Variants in GAB4 observed in about 807,000 individuals in gnomAD.
The protein encoded by GAB4 is GRB2-associated-binding protein 4.
GAB4 carries 26 observed loss-of-function variants against 51.3 expected under a neutral mutation model. That is an observed-to-expected ratio of 0.51 (90% CI 0.37 to 0.70). The LOEUF is 0.70. Among genes scored for constraint, GAB4 ranks in the 30% least tolerant of loss-of-function variants. The probability of loss-of-function intolerance (pLI) is 0.00; values close to 1 mark genes in which losing one functional copy is unlikely to be tolerated. For missense variants in GAB4, 759 were observed against 734.6 expected (o/e 1.03, Z -0.38); for synonymous variants, 329 against 291.2 (o/e 1.13, Z -1.32).
chr22:16,968,625 C>T (rs2060703374), intron 4 of GAB4, among the ~76,000 whole-genome samples: 1 of 152,162 alleles, frequency 6.6e-6, no homozygotes, highest in Non-Finnish European at 1.5e-5. Flanking sequence ...CCTCAGGACA[C>T]ACCTTTTCCT....
At chr22:16,993,918 G>C (rs532888891) in intron 1 of GAB4, among the ~76,000 whole-genome samples, 2 of 152,130 alleles carry the variant, frequency 1.3e-5, no homozygotes, top group South Asian at 4.2e-4. Flanking sequence ...CTTGTCACTG[G>C]GGAACACAGA....
chr22:16,994,770 T>C (rs535646870), intron 1 of GAB4, among the ~76,000 whole-genome samples: 22 of 152,308 alleles, frequency 1.4e-4, no homozygotes, highest in African/African-American at 5.3e-4. Flanking sequence ...CTGTATGACT[T>C]CCATTTCTTT....
chr22:17,004,269 T>C (rs991014182), intron 1 of GAB4, among the ~76,000 whole-genome samples: 3 of 152,196 alleles, frequency 2.0e-5, no homozygotes, highest in Non-Finnish European at 4.4e-5. Flanking sequence ...GCTGGTACCA[T>C]TCCTTCTGAA....
intron 3 of GAB4, among the ~76,000 whole-genome samples, chr22:16,975,506 C>T (rs150459594): frequency 1.5e-4 from 23 of 152,328 alleles, no homozygotes; most frequent in African/African-American, 5.1e-4. Context: ...GGCTACAGTC[C>T]GAGTCAGGGG....
chr22:16,962,612 T>C lies in GAB4; in HGVS notation c.*121A>G. Reference sequence around the variant, plus strand: ...GGGCCCCAAGCAGGCAAAGGATGTATATTGATCAGGCCTCTGCTCTCTATG... The same window carrying C: ...GGGCCCCAAGCAGGCAAAGGATGTACATTGATCAGGCCTCTGCTCTCTATG... On this transcript the variant is annotated 3_prime_UTR_variant, in exon 10 of 10. Coordinates refer to ENST00000400588, the MANE Select transcript of GAB4 (RefSeq NM_001037814.1). 2.2e-6 allele frequency: 2 copies of C among 892,730 alleles called. No homozygotes were observed. Among genetic ancestry groups the C allele is most frequent in the Non-Finnish European group, 3.2e-6 (2 of 627,418 alleles). The allele number at this position is 892,730 out of a possible 1,614,324, so 55.3% of individuals were successfully genotyped here. A position where few individuals can be genotyped will look rare whatever the true frequency, so the allele number is the denominator to read the frequency against.
chr22:16,999,623 T>C (rs1004113074), intron 1 of GAB4, among the ~76,000 whole-genome samples: 5 of 152,242 alleles, frequency 3.3e-5, no homozygotes, highest in African/African-American at 1.2e-4. Context: ...TGAAGGGTTT[T>C]TGGTGTCTCT....
chr22:16,972,875 C>T (rs2060743933), intron 3 of GAB4, among the ~76,000 whole-genome samples: 1 of 152,174 alleles, frequency 6.6e-6, no homozygotes, highest in African/African-American at 2.4e-5. Flanking sequence ...TGTCACAGTG[C>T]TTTTAGGATG....
chr22:17,003,631 T>C (rs2061016217), intron 1 of GAB4, among the ~76,000 whole-genome samples: 1 of 152,046 alleles, frequency 6.6e-6, no homozygotes, highest in South Asian at 2.1e-4. Context: ...TTTAAACCAA[T>C]GAAAACAAAG....
intron 3 of GAB4, among the ~76,000 whole-genome samples, chr22:16,982,854 C>G (rs539790708): frequency 6.6e-5 from 10 of 152,222 alleles, no homozygotes; most frequent in African/African-American, 2.4e-4. Flanking sequence ...GTCTAAAACC[C>G]CTCTTGGCCT....
chr22:16,996,703 G>A (rs1481334879), intron 1 of GAB4, among the ~76,000 whole-genome samples: 5 of 152,112 alleles, frequency 3.3e-5, no homozygotes, highest in Admixed American at 2.0e-4. Context: ...TGGTACATGC[G>A]CAAAACGTGC....
chr22:16,978,241 G>A (rs929315120), intron 3 of GAB4, among the ~76,000 whole-genome samples: 2 of 152,072 alleles, frequency 1.3e-5, no homozygotes, highest in African/African-American at 4.8e-5. Context: ...ATGAATCCAC[G>A]AGCTGTCTTT....
intron 2 of GAB4, among the ~76,000 whole-genome samples, chr22:16,989,467 C>T (rs184558558): frequency 6.2e-4 from 94 of 152,326 alleles, no homozygotes; most frequent in African/African-American, 2.1e-3. Flanking sequence ...AGGCAAGACA[C>T]GTTCTGCCAG....
intron 1 of GAB4, among the ~76,000 whole-genome samples, chr22:17,007,051 ATCATACCCCATACC>A (rs2061045994): frequency 6.6e-6 from 1 of 152,234 alleles, no homozygotes; most frequent in South Asian, 2.1e-4. Flanking sequence ...CGCAGAATTG[ATCATACCCCATACC>A]TCAGGGAAGC....
In GAB4 at chr22:16,966,354, G is replaced by T. The variant is rs762931159; in HGVS notation, c.1034C>A (p.Thr345Lys). ...AATGCTGTCTGACAGGCCCACAAGC[G>T]TTCTTCCTGGCTAGGAAGAGGACAG... ...EGVCSFLPGR[T>K]LVGLSDSIAS... is the part of the protein sequence containing the mutation. Residue 345 changes from threonine to lysine, a missense_variant, in exon 6 of 10, where the codon ACG (threonine) becomes AAG (lysine). Physicochemically the swap from Thr to Lys is moderately conservative, Grantham distance 78. Around this residue, in one of 3 missense-constraint regions of GAB4, gnomAD observed 588 missense variants for 510.2 expected, o/e 1.15. Transcript: ENST00000400588. 1 of 1,611,204 alleles carries T rather than the reference G, an allele frequency of 6.2e-7. No homozygotes were observed. The highest frequency in any genetic ancestry group is 1.7e-5 in the Admixed American group (1 of 59,958).
intron 3 of GAB4, among the ~76,000 whole-genome samples, chr22:16,978,321 T>C (rs1218605410): frequency 6.6e-6 from 1 of 151,840 alleles, no homozygotes; most frequent in African/African-American, 2.4e-5. Context: ...AAGAATCAAA[T>C]AGACACAATA....
rs2060883182 is a variant in GAB4, at chr22:16,988,034, G to A, written c.612C>T (p.Pro204=). ...CCGGAGGTGCAGGGATGGGCCAGGT[G>A]GGCGGCACACAGTGAGACACCGGGG... ...SEPPVSHCVP[P]TWPIPAPPGC... is the part of the protein sequence containing the mutation. Residue 204 remains proline, a synonymous_variant, in exon 3 of 10, where the codon CCC becomes CCT. Transcript: ENST00000400588. The A allele has an allele frequency of 6.2e-7, 1 of 1,608,896 alleles. No homozygotes were observed. Among genetic ancestry groups the A allele is most frequent in the Non-Finnish European group, 8.5e-7 (1 of 1,178,100 alleles).
At position 16,991,760 on chromosome 22, in the gene GAB4, T is replaced by A. The variant is rs1226672634; in HGVS notation, c.478+113A>T. ...AACACCAAAAATGCCTTTAGCTTCA[T>A]CACGAGCCCAACACTTCTTGGCAGT... On this transcript the variant is annotated intron_variant, in intron 2 of 9. Coordinates refer to ENST00000400588, the MANE Select transcript of GAB4 (RefSeq NM_001037814.1). 5 of 902,546 alleles carry A rather than the reference T, an allele frequency of 5.5e-6. No homozygotes were observed. The African/African-American group carries it at 6.7e-5, about 12-fold the overall frequency. 55.9% of individuals were successfully genotyped at this position (902,546 alleles called of 1,614,324 possible). A position where few individuals can be genotyped will look rare whatever the true frequency, so the allele number is the denominator to read the frequency against.
At chr22:16,975,542 G>T (rs990492804) in intron 3 of GAB4, among the ~76,000 whole-genome samples, 1 of 152,204 alleles carries the variant, frequency 6.6e-6, no homozygotes, top group African/African-American at 2.4e-5. Context: ...CCATCTGCCT[G>T]GGACAGAGCA....
chr22:16,969,630 T>C lies in GAB4; in HGVS notation c.937+313A>G, dbSNP rs1185399288. 4 of 630,774 alleles carry C rather than the reference T, an allele frequency of 6.3e-6. No individual in the cohort carries two copies. The Admixed American group carries it at 1.1e-4, about 17-fold the overall frequency. 39.1% of individuals were successfully genotyped at this position (630,774 alleles called of 1,614,324 possible). On this transcript the variant is annotated intron_variant, in intron 4 of 9. Coordinates refer to ENST00000400588, the MANE Select transcript of GAB4 (RefSeq NM_001037814.1). ...ATACTGACCTTGGTGACATCGGCTG[T>C]TGTCTACTGCAGGAAGGGTATTCCG... is the stretch of plus-strand genomic sequence containing the variant.
Sources: gnomAD v4.1 joint callset for allele counts (sites outside exome capture counted in the v4.1 genomes callset) on GRCh38, gnomAD v4.1.1 for gene constraint, gnomAD v4.1.1 regional missense constraint, MANE v1.5 for transcripts, NCBI Gene and HGNC (gene_info 2026-07-23, HGNC 2026-07-21) for gene names.